The following FBXO27 variants were observed in gnomAD, a reference collection of about 807,000 sequenced individuals.
FBXO27 encodes F-box protein 27.
Under a neutral mutation model 28.3 loss-of-function variants are expected in FBXO27, and 28 were observed. The observed-to-expected ratio is 0.99, with a 90% CI of 0.73 to 1.36. FBXO27 has a LOEUF of 1.36. Among genes scored for constraint, FBXO27 ranks in the 40% most tolerant of loss-of-function variants. FBXO27 has a pLI of 0.00. For missense variants in FBXO27, 388 were observed against 394.1 expected, an observed-to-expected ratio of 0.98 and a Z score of 0.13; for synonymous variants, 175 against 167.3, an observed-to-expected ratio of 1.05 and a Z score of -0.36.
chr19:39,030,635 C>A, intron 4 of FBXO27: 1 of 162,898 alleles, frequency 6.1e-6, no homozygotes, highest in Non-Finnish European at 1.3e-5. Flanking sequence ...TTTTTTTTTT[C>A]CAGGACTGAG....
chr19:39,019,860 T>C (rs1185193179), downstream of FBXO27, among the ~76,000 whole-genome samples: 3 of 152,136 alleles, frequency 2.0e-5, no homozygotes, highest in Non-Finnish European at 4.4e-5. Context: ...CAAGCGATTC[T>C]ACTGCCTCAG....
downstream of FBXO27, among the ~76,000 whole-genome samples, chr19:39,019,618 A>G (rs2072836279): frequency 6.6e-6 from 1 of 152,096 alleles, no homozygotes; most frequent in Non-Finnish European, 1.5e-5. Context: ...AGTTTGGCTG[A>G]AAAAAATATC....
rs2072823973 is a variant in FBXO27 at position 39,017,093 on chromosome 19, A to T, written c.92-2546T>A. ...GTGTGAGATCCTGCCTCAACAAATA[A>T]TTTTTTTGCTTTAAAGTGAAACTCC... On this transcript the variant is annotated intron_variant, in intron 1 of 2. Coordinates refer to the FBXO27 transcript ENST00000598394. Among the ~76,000 whole-genome samples the T allele has an allele frequency of 2.0e-5, 3 of 151,950 alleles. No homozygotes were observed. In the South Asian group the frequency reaches 6.3e-4, roughly 32 times the overall value.
chr19:39,030,386 C>A (rs2072895450), intron 4 of FBXO27: 1 of 152,692 alleles, frequency 6.5e-6, no homozygotes, highest in South Asian at 2.1e-4. Context: ...TCTGGGAGGT[C>A]TGGCTCCAGA....
intron 1 of FBXO27, among the ~76,000 whole-genome samples, chr19:39,015,906 C>T (rs1033279298): frequency 6.6e-6 from 1 of 151,906 alleles, no homozygotes; most frequent in African/African-American, 2.4e-5. Flanking sequence ...CCCGTCTCAA[C>T]TAAAAATACA....
chr19:39,029,466 A>G (rs2072890898), intron 4 of FBXO27, among the ~76,000 whole-genome samples: 1 of 149,978 alleles, frequency 6.7e-6, no homozygotes. Context: ...TAAGGCCCCA[A>G]ATTTCCAATG....
At chr19:39,012,520 A>T (rs2072800637) in intron 2 of FBXO27, among the ~76,000 whole-genome samples, 1 of 152,362 alleles carries the variant, frequency 6.6e-6, no homozygotes, top group East Asian at 1.9e-4. Flanking sequence ...TTCATCCAGA[A>T]GGGTTGGATA....
rs2072911961 is a variant in FBXO27, at chr19:39,032,406, C to T, written c.-27+97G>A. 1 of 917,350 alleles carries T rather than the reference C, an allele frequency of 1.1e-6. No homozygotes were observed. The highest frequency in any genetic ancestry group is 1.5e-6 in the Non-Finnish European group (1 of 663,296). The allele number at this position is 917,350 out of a possible 1,614,324, so 56.8% of individuals were successfully genotyped here. A position where few individuals can be genotyped will look rare whatever the true frequency, so the allele number is the denominator to read the frequency against. On this transcript the variant is annotated intron_variant, in intron 1 of 5. Transcript: ENST00000292853. The surrounding 1 kb of genome is among the most constrained non-coding windows in gnomAD (Gnocchi z 4.7). ...TCCCCCAGCCCGTCCTTGATAGCCC[C>T]GATATCCCGGAGACCCCGCGGTCTG...
At chr19:39,031,407 G>T in intron 2 of FBXO27, 87 bp from the exon 3 acceptor site, 2 of 1,203,204 alleles carry the variant, frequency 1.7e-6, no homozygotes, top group Non-Finnish European at 2.4e-6. Context: ...CCTCCCACGT[G>T]CTCACAGTGC....
In FBXO27 at chr19:39,032,370, C is replaced by T; in HGVS notation, c.-26-117G>A. 1 of 1,207,888 alleles carries T rather than the reference C, an allele frequency of 8.3e-7. No homozygotes were observed. The highest frequency in any genetic ancestry group is 1.1e-6 in the Non-Finnish European group (1 of 925,522). The allele number at this position is 1,207,888 out of a possible 1,614,324, so 74.8% of individuals were successfully genotyped here. A position where few individuals can be genotyped will look rare whatever the true frequency, so the allele number is the denominator to read the frequency against. ...TCTTCACCATCCCTGGGCCCCGTCC[C>T]CAAGTCCCCATCCCCCAGCCCGTCC... On this transcript the variant is annotated intron_variant, in intron 1 of 5. Transcript: ENST00000292853. The surrounding 1 kb of genome is among the most constrained non-coding windows in gnomAD (Gnocchi z 4.7).
At chr19:39,028,933 T>G (rs1175380858) in intron 4 of FBXO27, among the ~76,000 whole-genome samples, 1 of 151,040 alleles carries the variant, frequency 6.6e-6, no homozygotes, top group Non-Finnish European at 1.5e-5. Context: ...TCCCAGTTAC[T>G]CAGGAGGCTG....
chr19:39,009,869 G>A (rs2072786921), intron 2 of FBXO27, among the ~76,000 whole-genome samples: 2 of 151,992 alleles, frequency 1.3e-5, no homozygotes, highest in Non-Finnish European at 2.9e-5. Context: ...GAGTGCAGTG[G>A]CGTGATCTCA....
rs1045189775 is a variant in FBXO27, at chr19:39,011,699, AGG to A, written c.252+2686_252+2687del. Among the ~76,000 whole-genome samples the A allele has an allele frequency of 1.0e-3, 8 of 8,036 alleles. 1 individual carries two copies. Among genetic ancestry groups the A allele is most frequent in the Non-Finnish European group, 1.4e-3 (4 of 2,874 alleles). The allele number at this position is 8,036 out of a possible 152,430, so 5.3% of individuals were successfully genotyped here. ...TTTTTCGCAGAGATGGCGGCGGGGG[AGG>A]GGGGGTCTCCCTTTGTTGCCCCGGC... On this transcript the variant is annotated intron_variant, in intron 2 of 2. Coordinates refer to the FBXO27 transcript ENST00000598394.
chr19:39,022,264 A>G (rs891516013), downstream of FBXO27, among the ~76,000 whole-genome samples: 19 of 144,578 alleles, frequency 1.3e-4, no homozygotes, highest in Non-Finnish European at 2.7e-4. Flanking sequence ...CCTGTCAAGT[A>G]GCTGAGACTA....
downstream of FBXO27, among the ~76,000 whole-genome samples, chr19:39,022,775 A>C (rs12151268): frequency 0.12 from 17,907 of 150,036 alleles, 1,195 homozygotes; most frequent in African/African-American, 0.16. Context: ...TGCTGCCACG[A>C]CTGGCTAATT....
intron 4 of FBXO27, among the ~76,000 whole-genome samples, chr19:39,028,493 G>C (rs1275730381): frequency 6.6e-6 from 1 of 152,142 alleles, no homozygotes; most frequent in Non-Finnish European, 1.5e-5. Flanking sequence ...CCAGCACTTT[G>C]GGAGGCAGAG....
At chr19:39,010,805 A>G (rs2072790899) in intron 2 of FBXO27, among the ~76,000 whole-genome samples, 2 of 152,246 alleles carry the variant, frequency 1.3e-5, no homozygotes. Context: ...GTGCAGGAGT[A>G]ATCAGAGTTG....
At chr19:39,026,741 G>C in intron 5 of FBXO27, 129 bp downstream of exon 5, 1 of 1,389,608 alleles carries the variant, frequency 7.2e-7, no homozygotes, top group African/African-American at 1.4e-5. Context: ...CAAAGTGCTG[G>C]GATTACAGGT....
At chr19:39,018,890 G>A (rs910127951) in intron 1 of FBXO27, among the ~76,000 whole-genome samples, 9 of 151,366 alleles carry the variant, frequency 5.9e-5, no homozygotes, top group African/African-American at 1.9e-4. Context: ...CCAACGTGGC[G>A]AAACCCTGTC....
Sources: gnomAD v4.1 joint callset for allele counts (sites outside exome capture counted in the v4.1 genomes callset) on GRCh38, gnomAD v4.1.1 for gene constraint, Gnocchi (gnomAD v3.1) non-coding constraint, MANE v1.5 for transcripts, NCBI Gene and HGNC (gene_info 2026-07-23, HGNC 2026-07-21) for gene names.